Variants in SLC39A11 observed in about 807,000 individuals in gnomAD.
The protein encoded by SLC39A11 is solute carrier family 39 member 11.
Under a neutral mutation model 36.1 loss-of-function variants are expected in SLC39A11, and 33 were observed. The observed-to-expected ratio is 0.91, with a 90% confidence interval of 0.69 to 1.22. The LOEUF (loss-of-function observed/expected upper bound fraction) is 1.22, where lower values mean the gene tolerates loss of function less well. Ranked by LOEUF, SLC39A11 falls within the 50% of genes most tolerant of loss-of-function variation. SLC39A11 has a pLI of 0.00. For missense variants in SLC39A11, 432 were observed against 430.3 expected (o/e 1.00, Z -0.03); for synonymous variants, 166 against 170.3 (o/e 0.97, Z 0.20).
chr17:72,949,042 G>A (rs1229413165), intron 4 of SLC39A11, among the ~76,000 whole-genome samples: 2 of 150,486 alleles, frequency 1.3e-5, no homozygotes, highest in African/African-American at 2.4e-5. Flanking sequence ...GGGAAGGGAG[G>A]CAGAATCATC....
intron 4 of SLC39A11, among the ~76,000 whole-genome samples, chr17:72,987,563 A>C (rs1430666052): frequency 6.6e-6 from 1 of 152,216 alleles, no homozygotes; most frequent in Non-Finnish European, 1.5e-5. Context: ...AAATGTTAAA[A>C]TATGCTCCCC....
chr17:72,846,018 CTTTTTTTTTTTTTTT>C (rs569100122), intron 6 of SLC39A11, among the ~76,000 whole-genome samples: 1 of 57,950 alleles, frequency 1.7e-5, no homozygotes, highest in African/African-American at 8.5e-5. Context: ...CTCTCTCTCT[CTTTTTTTTTTTTTTT>C]TTTTTTTTTT....
At chr17:73,032,206 TC>T (rs1383144297) in intron 3 of SLC39A11, among the ~76,000 whole-genome samples, 2 of 147,456 alleles carry the variant, frequency 1.4e-5, no homozygotes, top group African/African-American at 5.2e-5. Context: ...GAATTCCTAT[TC>T]TTTTTTTTTT....
intron 4 of SLC39A11, among the ~76,000 whole-genome samples, chr17:72,993,301 G>A (rs1598758090): frequency 6.6e-6 from 1 of 152,192 alleles, no homozygotes; most frequent in East Asian, 1.9e-4. Context: ...AAGTTAAAAT[G>A]GGAGCGTTTT....
intron 3 of SLC39A11, among the ~76,000 whole-genome samples, chr17:73,079,072 T>C (rs1046879748): frequency 1.3e-5 from 2 of 152,064 alleles, no homozygotes; most frequent in African/African-American, 4.8e-5. Flanking sequence ...AAGCAACTTA[T>C]ATTTATACTA....
intron 7 of SLC39A11, among the ~76,000 whole-genome samples, chr17:72,684,457 T>C (rs1567943444): frequency 6.6e-6 from 1 of 152,214 alleles, no homozygotes; most frequent in Non-Finnish European, 1.5e-5. Flanking sequence ...ACAGCCACTG[T>C]CCCAGGTTTG....
chr17:72,892,404 C>A (rs1168816864), intron 5 of SLC39A11, among the ~76,000 whole-genome samples: 3 of 128,590 alleles, frequency 2.3e-5, no homozygotes, highest in African/African-American at 5.9e-5. Flanking sequence ...AGTGAGACTC[C>A]ATCTCAAAAA....
At chr17:72,994,052 T>G (rs2089351469) in intron 4 of SLC39A11, among the ~76,000 whole-genome samples, 1 of 152,148 alleles carries the variant, frequency 6.6e-6, no homozygotes, top group Non-Finnish European at 1.5e-5. Context: ...CCTCACGAGT[T>G]TCACCCAAGT....
intron 5 of SLC39A11, among the ~76,000 whole-genome samples, chr17:72,867,005 C>T (rs570166852): frequency 6.6e-6 from 1 of 152,234 alleles, no homozygotes; most frequent in South Asian, 2.1e-4. Flanking sequence ...TGGAAGCAAC[C>T]ATTGATTGTA....
chr17:72,772,283 G>T (rs1178125690), intron 6 of SLC39A11, among the ~76,000 whole-genome samples: 1 of 152,154 alleles, frequency 6.6e-6, no homozygotes, highest in African/African-American at 2.4e-5. Context: ...CTGCTGGCAC[G>T]TCCAACCTGT....
chr17:73,005,521 G>A (rs2090130973), intron 4 of SLC39A11, among the ~76,000 whole-genome samples: 1 of 152,198 alleles, frequency 6.6e-6, no homozygotes, highest in Non-Finnish European at 1.5e-5. Context: ...CAGGGTGCCA[G>A]TCAGGATGGG....
chr17:72,906,508 T>C (rs1235424955), intron 5 of SLC39A11, among the ~76,000 whole-genome samples: 1 of 151,898 alleles, frequency 6.6e-6, no homozygotes, highest in African/African-American at 2.4e-5. Flanking sequence ...GCTGGGGAGG[T>C]GGATGCAGGC....
intron 6 of SLC39A11, among the ~76,000 whole-genome samples, chr17:72,803,855 G>A (rs1331656936): frequency 6.6e-6 from 1 of 151,984 alleles, no homozygotes; most frequent in East Asian, 1.9e-4. Flanking sequence ...TTGCTTCCGG[G>A]TCAGATGCTT....
chr17:72,897,052 C>CAAAAAAAAAAA (rs10656675), intron 5 of SLC39A11, among the ~76,000 whole-genome samples: 16 of 64,118 alleles, frequency 2.5e-4, no homozygotes, highest in African/African-American at 3.2e-4. Flanking sequence ...GACTCTGTCT[C>CAAAAAAAAAAA]AAAAAAAAAA....
intron 6 of SLC39A11, among the ~76,000 whole-genome samples, chr17:72,758,960 C>T (rs991650727): frequency 1.1e-4 from 16 of 152,022 alleles, no homozygotes; most frequent in Admixed American, 9.2e-4. Flanking sequence ...AAAAATTAGC[C>T]GGGTGTGGTG....
intron 5 of SLC39A11, among the ~76,000 whole-genome samples, chr17:72,910,623 CAAAAA>C (rs759842114): frequency 6.0e-5 from 3 of 50,028 alleles, no homozygotes; most frequent in Non-Finnish European, 1.0e-4. Flanking sequence ...GACTCCGTCT[CAAAAA>C]AAAAAAAAAA....
intron 3 of SLC39A11, among the ~76,000 whole-genome samples, chr17:73,034,016 G>T (rs966782836): frequency 2.6e-5 from 4 of 152,186 alleles, no homozygotes; most frequent in Non-Finnish European, 4.4e-5. Flanking sequence ...GGGAGCTGAG[G>T]CTGATCCGTT....
chr17:72,940,287 T>TG (rs2085022205), intron 5 of SLC39A11, among the ~76,000 whole-genome samples: 2 of 151,986 alleles, frequency 1.3e-5, no homozygotes, highest in East Asian at 3.9e-4. Context: ...CTTTTTTTTT[T>TG]TTTTTGAGAT....
At chr17:72,797,160 C>T (rs1247048409) in intron 6 of SLC39A11, among the ~76,000 whole-genome samples, 1 of 152,078 alleles carries the variant, frequency 6.6e-6, no homozygotes, top group Non-Finnish European at 1.5e-5. Context: ...AAGGGGTTTA[C>T]CATCTTGCTG....
Sources: allele counts gnomAD v4.1 joint callset (sites outside exome capture counted in the v4.1 genomes callset), GRCh38; gene constraint gnomAD v4.1.1; transcripts MANE v1.5; gene names NCBI Gene and HGNC (gene_info 2026-07-23, HGNC 2026-07-21).